PPP3CA: variants seen among roughly 807,000 people sequenced by gnomAD.
PPP3CA encodes protein phosphatase 3 catalytic subunit alpha.
Under a neutral mutation model 66.5 loss-of-function variants are expected in PPP3CA, and 14 were observed. That is an observed-to-expected ratio of 0.21 (90% CI 0.14 to 0.33). The LOEUF (loss-of-function observed/expected upper bound fraction) is 0.33. Ranked by LOEUF, PPP3CA falls within the 10% of genes least tolerant of loss-of-function variation. PPP3CA has a pLI of 1.00. For synonymous variants in PPP3CA, 232 were observed against 226.2 expected, an observed-to-expected ratio of 1.03 and a Z score of -0.23; for missense variants, 317 against 639.5, an observed-to-expected ratio of 0.50 and a Z score of 5.44.
At chr4:101,334,433 C>A (rs569068628) in intron 1 of PPP3CA, among the ~76,000 whole-genome samples, 1 of 152,046 alleles carries the variant, frequency 6.6e-6, no homozygotes, top group Non-Finnish European at 1.5e-5. Flanking sequence ...CGCGCCCAAC[C>A]CCCGAGTGAC....
At chr4:101,171,487 C>T (rs1345261243) in intron 2 of PPP3CA, among the ~76,000 whole-genome samples, 1 of 152,088 alleles carries the variant, frequency 6.6e-6, no homozygotes, top group Admixed American at 6.6e-5. Flanking sequence ...TGTGCACTCA[C>T]TGTATATCTT....
At chr4:101,124,736 A>G in intron 2 of PPP3CA, among the ~76,000 whole-genome samples, 1 of 72,602 alleles carries the variant, frequency 1.4e-5, no homozygotes, top group Non-Finnish European at 2.7e-5. Context: ...AGAAAGAAAG[A>G]AAGAAAGAAA....
chr4:101,062,222 G>C (rs567033735), intron 9 of PPP3CA, among the ~76,000 whole-genome samples: 1 of 152,116 alleles, frequency 6.6e-6, no homozygotes, highest in South Asian at 2.1e-4. Context: ...AATTTGATCA[G>C]TGCAAGAAAG....
At chr4:101,123,522 T>C (rs1246292728) in intron 2 of PPP3CA, among the ~76,000 whole-genome samples, 1 of 152,258 alleles carries the variant, frequency 6.6e-6, no homozygotes, top group East Asian at 1.9e-4. Flanking sequence ...TGAAAAGATA[T>C]GACGCTGTAA....
intron 2 of PPP3CA, among the ~76,000 whole-genome samples, chr4:101,120,637 G>C (rs1721997256): frequency 6.6e-6 from 1 of 151,728 alleles, no homozygotes; most frequent in Non-Finnish European, 1.5e-5. Flanking sequence ...ATTAAGAAAA[G>C]GCATGAGATT....
intron 10 of PPP3CA, among the ~76,000 whole-genome samples, chr4:101,049,847 C>A (rs1441745370): frequency 1.3e-5 from 2 of 152,038 alleles, no homozygotes; most frequent in East Asian, 3.8e-4. Flanking sequence ...CACTTGACAG[C>A]ATAATAAAAA....
chr4:101,279,686 C>A (rs1727619484), intron 1 of PPP3CA, among the ~76,000 whole-genome samples: 1 of 152,128 alleles, frequency 6.6e-6, no homozygotes, highest in East Asian at 1.9e-4. Flanking sequence ...TCACCACAGG[C>A]TTTTTACTAT....
At chr4:101,041,487 T>TC (rs1390488595) in intron 10 of PPP3CA, among the ~76,000 whole-genome samples, 1 of 126,426 alleles carries the variant, frequency 7.9e-6, no homozygotes, top group Non-Finnish European at 1.6e-5. Context: ...CAGGCTGGAG[T>TC]GTAGTGGTGC....
chr4:101,288,591 C>A (rs910864803), intron 1 of PPP3CA, among the ~76,000 whole-genome samples: 1 of 149,912 alleles, frequency 6.7e-6, no homozygotes, highest in African/African-American at 2.5e-5. Flanking sequence ...GAGGGAACAA[C>A]GGGAAGGAGG....
chr4:101,337,037 T>C (rs570984520), intron 1 of PPP3CA, among the ~76,000 whole-genome samples: 7 of 152,282 alleles, frequency 4.6e-5, no homozygotes, highest in African/African-American at 1.7e-4. Context: ...ATTTCCATGG[T>C]TCCTTCCAGC....
chr4:101,111,194 A>C (rs1721658508), intron 2 of PPP3CA, among the ~76,000 whole-genome samples: 1 of 152,222 alleles, frequency 6.6e-6, no homozygotes, highest in Non-Finnish European at 1.5e-5. Context: ...GTTTCAAACC[A>C]AAAATTACAA....
rs555399959 is a variant in PPP3CA, at chr4:101,036,077, C to CAAAG, written c.1242-3717_1242-3714dup. The stretch of plus-strand genomic sequence containing the variant: ...TAAGTGTAAAATACACATGGGATTT[C>CAAAG]AAAGATGTAGTACAAATATAAGAAT... On this transcript the variant is annotated intron_variant, in intron 11 of 13. Coordinates refer to ENST00000394854, the MANE Select transcript of PPP3CA (RefSeq NM_000944.5). 2.3e-4 allele frequency among the ~76,000 whole-genome samples: 35 copies of CAAAG among 152,200 alleles called. No individual in the cohort carries two copies. The South Asian group carries it at 6.8e-3, about 30-fold the overall frequency.
At chr4:101,234,957 C>T (rs764272151) in intron 1 of PPP3CA, among the ~76,000 whole-genome samples, 1 of 151,572 alleles carries the variant, frequency 6.6e-6, no homozygotes, top group Non-Finnish European at 1.5e-5. Flanking sequence ...GAAGATATTT[C>T]AATAGAGTAA....
intron 1 of PPP3CA, among the ~76,000 whole-genome samples, chr4:101,211,404 G>A (rs1725294644): frequency 6.6e-6 from 1 of 152,118 alleles, no homozygotes. Context: ...TGATTTACTG[G>A]TATATGATTC....
chr4:101,029,347 T>TAAAAAAAAAAAAAAAAAAGAAAAG (rs1726817776), intron 12 of PPP3CA, 152 bp from the exon 13 acceptor site: 1 of 78,822 alleles, frequency 1.3e-5, no homozygotes, highest in Non-Finnish European at 2.1e-5. Flanking sequence ...ACAGAAATGC[T>TAAAAAAAAAAAAAAAAAAGAAAAG]AAAAAAAAAA....
intron 8 of PPP3CA, among the ~76,000 whole-genome samples, chr4:101,072,914 G>A (rs1178080610): frequency 6.8e-6 from 1 of 146,020 alleles, no homozygotes; most frequent in African/African-American, 2.6e-5. Context: ...CTAGCCTGGG[G>A]GACAGAGTGA....
chr4:101,147,289 G>T (rs71614684), intron 2 of PPP3CA, among the ~76,000 whole-genome samples: 14,683 of 151,936 alleles, frequency 0.097, 929 homozygotes, highest in Non-Finnish European at 0.14. Context: ...TTAAATTCTG[G>T]CTTAATTTCC....
At chr4:101,307,264 T>A (rs1362365690) in intron 1 of PPP3CA, among the ~76,000 whole-genome samples, 1 of 151,956 alleles carries the variant, frequency 6.6e-6, no homozygotes, top group Non-Finnish European at 1.5e-5. Flanking sequence ...GGGTAAGATA[T>A]GTTTGCCCTA....
At chr4:101,209,694 C>T (rs938574026) in intron 1 of PPP3CA, among the ~76,000 whole-genome samples, 1 of 152,036 alleles carries the variant, frequency 6.6e-6, no homozygotes, top group African/African-American at 2.4e-5. Context: ...TAAAGATAGC[C>T]TATGTACTGG....
Sources: gnomAD v4.1 joint callset for allele counts (sites outside exome capture counted in the v4.1 genomes callset) on GRCh38, gnomAD v4.1.1 for gene constraint, MANE v1.5 for transcripts, NCBI Gene and HGNC (gene_info 2026-07-23, HGNC 2026-07-21) for gene names.